Variants in NUGGC observed in about 807,000 individuals in gnomAD.
NUGGC encodes nuclear GTPase SLIP-GC.
In NUGGC, 58 loss-of-function variants were observed where a neutral mutation model predicts 92.6. The ratio of observed to expected loss-of-function variants is 0.63; its 90% CI spans 0.51 to 0.78. The LOEUF (loss-of-function observed/expected upper bound fraction) is 0.78, where lower values mean the gene tolerates loss of function less well. Ranked by LOEUF, NUGGC falls within the 30% of genes least tolerant of loss-of-function variation. The pLI, the probability that NUGGC is intolerant of heterozygous loss-of-function variation, is 0.00. For missense variants in NUGGC, 925 were observed against 964.6 expected, an observed-to-expected ratio of 0.96 and a Z score of 0.54; for synonymous variants, 376 against 366.4, an observed-to-expected ratio of 1.03 and a Z score of -0.30.
chr8:28,025,493 T>A (rs187618773), intron 18 of NUGGC, among the ~76,000 whole-genome samples: 1 of 152,264 alleles, frequency 6.6e-6, no homozygotes, highest in Admixed American at 6.5e-5. Flanking sequence ...CTGGTCAAGA[T>A]CTCTGGCAAG....
chr8:28,033,492 A>G, intron 14 of NUGGC, 48 bp downstream of exon 14: 2 of 1,571,718 alleles, frequency 1.3e-6, no homozygotes, highest in South Asian at 1.1e-5. Context: ...CTGGCTCCAC[A>G]TTCTTCCGAT....
In NUGGC at chr8:28,083,858, T is replaced by C. The variant is rs558410506; in HGVS notation, c.-130A>G. The C allele has an allele frequency of 1.3e-5, 2 of 151,984 alleles. No homozygotes were observed. The highest frequency in any genetic ancestry group is 3.9e-4 in the East Asian group (2 of 5,170). The allele number at this position is 151,984 out of a possible 1,614,324, so 9.4% of individuals were successfully genotyped here. On this transcript the variant is annotated 5_prime_UTR_variant, in exon 1 of 19. Coordinates refer to ENST00000413272, the MANE Select transcript of NUGGC (RefSeq NM_001010906.2). ...AGAGGAGATGGTGGCAGCTTCTCCT[T>C]GGTTCAGGTATTTGGAACCAGCTGG...
chr8:28,073,729 G>A (rs556405112), intron 2 of NUGGC, among the ~76,000 whole-genome samples: 29 of 152,204 alleles, frequency 1.9e-4, no homozygotes, highest in Admixed American at 1.2e-3. Flanking sequence ...ACGGAAAGCC[G>A]CCTAACGTCA....
intron 9 of NUGGC, among the ~76,000 whole-genome samples, chr8:28,057,057 G>A (rs1191082087): frequency 6.6e-6 from 1 of 152,200 alleles, no homozygotes; most frequent in African/African-American, 2.4e-5. Context: ...TTTTCAGCCT[G>A]TTTAGAGCAA....
In NUGGC at chr8:28,025,882, C is replaced by T. The variant is rs79305439; in HGVS notation, c.2245+1080G>A. On this transcript the variant is annotated intron_variant, in intron 18 of 18. Coordinates refer to ENST00000413272, the MANE Select transcript of NUGGC (RefSeq NM_001010906.2). ...ATATACAGGGTGCAGAGCAAGGCTCCCACCCTCTCCTACCCTCCAGCCTTC... is the reference window on the plus strand; with the variant it reads ...ATATACAGGGTGCAGAGCAAGGCTCTCACCCTCTCCTACCCTCCAGCCTTC... 4.7e-4 allele frequency among the ~76,000 whole-genome samples: 71 copies of T among 152,248 alleles called. No individual in the cohort carries two copies. The East Asian group carries it at 0.013, about 27-fold the overall frequency.
intron 11 of NUGGC, among the ~76,000 whole-genome samples, chr8:28,046,376 T>A (rs2130142229): frequency 6.6e-6 from 1 of 152,304 alleles, no homozygotes; most frequent in Middle Eastern, 3.4e-3. Context: ...CATATCAAGT[T>A]CAGATGAGAA....
At chr8:28,061,754 A>G (rs1810311415) in intron 7 of NUGGC, among the ~76,000 whole-genome samples, 1 of 152,170 alleles carries the variant, frequency 6.6e-6, no homozygotes, top group Non-Finnish European at 1.5e-5. Context: ...ATTTGGCAAA[A>G]AATGTCTGGA....
chr8:28,045,429 T>C, intron 12 of NUGGC, 98 bp downstream of exon 12: 26 of 1,217,528 alleles, frequency 2.1e-5, no homozygotes, highest in Non-Finnish European at 2.4e-5. Flanking sequence ...TCCTTTAATA[T>C]GAAAAGAAAA....
chr8:28,072,379 A>G (rs1030566592), intron 2 of NUGGC, among the ~76,000 whole-genome samples: 14 of 152,348 alleles, frequency 9.2e-5, no homozygotes, highest in Non-Finnish European at 1.0e-4. Context: ...CGGCTGAAGA[A>G]CACTTTAATC....
At chr8:28,031,699 G>A (rs1809422133) in intron 14 of NUGGC, among the ~76,000 whole-genome samples, 1 of 152,234 alleles carries the variant, frequency 6.6e-6, no homozygotes, top group South Asian at 2.1e-4. Flanking sequence ...AGGACTCACA[G>A]TCTTTCCACT....
intron 1 of NUGGC, among the ~76,000 whole-genome samples, chr8:28,074,868 G>A (rs1031667805): frequency 6.6e-6 from 1 of 152,194 alleles, no homozygotes; most frequent in Non-Finnish European, 1.5e-5. Flanking sequence ...GAACCTGGGA[G>A]GCGGGGCTTG....
Position 28,029,337 on chromosome 8 carries a change from C to T in NUGGC, c.2083G>A (p.Asp695Asn), listed in dbSNP as rs373935705. 3 of 1,611,792 alleles carry T rather than the reference C, an allele frequency of 1.9e-6. No individual in the cohort carries two copies. Among genetic ancestry groups the T allele is most frequent in the Non-Finnish European group, 2.5e-6 (3 of 1,179,024 alleles). The change falls in exon 17 of 19, where the codon GAC becomes AAC. Residue 695 changes from aspartate to asparagine, a missense_variant. Coordinates refer to ENST00000413272, the MANE Select transcript of NUGGC (RefSeq NM_001010906.2). ...AACATGCCCTCAGCCACCTGCCGGT[C>T]CACTCCTCTTCTGATGGCATCTTTC... ...RMKDAIRRGVDRQVAEGMFER... is the reference protein window; with the variant it reads ...RMKDAIRRGVNRQVAEGMFER...
At position 28,026,999 on chromosome 8, in the gene NUGGC, A is replaced by G. The variant is rs1231237028; in HGVS notation, c.2208T>C (p.Ala736=). Residue 736 remains alanine, a synonymous_variant, in exon 18 of 19, where the codon GCT becomes GCC. Transcript: ENST00000413272. ...KGSITTMLAL[A]SSQGDGLYKE... ...TGTAGAGGCCATCCCCCTGGGACGA[A>G]GCAAGGGCCAGCATAGTGGTGATGC... The G allele has an allele frequency of 6.2e-7, 1 of 1,613,888 alleles. No homozygotes were observed. The highest frequency in any genetic ancestry group is 1.3e-5 in the African/African-American group (1 of 75,038).
At chr8:28,038,958 C>G (rs1017820474) in intron 13 of NUGGC, among the ~76,000 whole-genome samples, 1 of 152,162 alleles carries the variant, frequency 6.6e-6, no homozygotes, top group Non-Finnish European at 1.5e-5. Flanking sequence ...TCTGATTCCA[C>G]AGTCAGCATT....
chr8:28,062,332 C>T lies in NUGGC; in HGVS notation c.922-1731G>A, dbSNP rs957259555. Among the ~76,000 whole-genome samples the T allele has an allele frequency of 7.9e-5, 12 of 152,180 alleles. No individual in the cohort carries two copies. In the East Asian group the frequency reaches 2.3e-3, roughly 29 times the overall value. On this transcript the variant is annotated intron_variant, in intron 7 of 18. Transcript: ENST00000413272. ...ATAATCAACTTAGAAAAGCTTTGGGCTCTGGGCCAGATGTGGTGGCTCACG... is the reference window on the plus strand; with the variant it reads ...ATAATCAACTTAGAAAAGCTTTGGGTTCTGGGCCAGATGTGGTGGCTCACG...
intron 1 of NUGGC, among the ~76,000 whole-genome samples, chr8:28,079,767 G>A (rs541813291): frequency 6.6e-6 from 1 of 152,308 alleles, no homozygotes; most frequent in African/African-American, 2.4e-5. Flanking sequence ...AGTAGTGCCC[G>A]CAAAGGAGGG....
At chr8:28,058,006 A>G (rs1372864378) in intron 9 of NUGGC, among the ~76,000 whole-genome samples, 4 of 152,162 alleles carry the variant, frequency 2.6e-5, no homozygotes, top group Admixed American at 2.0e-4. Flanking sequence ...AGCCTGGCCA[A>G]CGTGGTGAAA....
In NUGGC at chr8:28,058,259, T is replaced by C. The variant is rs1030780664; in HGVS notation, c.1115A>G (p.Asn372Ser). 4 of 506,104 alleles carry C rather than the reference T, an allele frequency of 7.9e-6. No individual in the cohort carries two copies. Among genetic ancestry groups the C allele is most frequent in the Non-Finnish European group, 1.2e-5 (4 of 324,030 alleles). 31.4% of individuals were successfully genotyped at this position (506,104 alleles called of 1,614,324 possible). The stretch of plus-strand genomic sequence containing the variant: ...TAAAAAAAACTAGTTCATACTTACA[T>C]TTCCTGCCTTTCTTTCCCTGAAATG... ...PEYLRERKAG[N>S]QAIQSQREAV... The change falls in exon 9 of 19, where the codon AAT becomes AGT. Residue 372 changes from asparagine to serine, a missense_variant and splice_region_variant. Physicochemically the swap from Asn to Ser is conservative, Grantham distance 46 (BLOSUM62 1). Transcript: ENST00000413272.
intron 1 of NUGGC, among the ~76,000 whole-genome samples, chr8:28,075,125 A>G (rs192856430): frequency 3.3e-5 from 5 of 152,290 alleles, no homozygotes; most frequent in Middle Eastern, 3.4e-3. Flanking sequence ...AGTTCCAGAA[A>G]GTCTCAGCAG....
Sources: gnomAD v4.1 joint callset for allele counts (sites outside exome capture counted in the v4.1 genomes callset) on GRCh38, gnomAD v4.1.1 for gene constraint, MANE v1.5 for transcripts, NCBI Gene and HGNC (gene_info 2026-07-23, HGNC 2026-07-21) for gene names.